CYFIP2: variants seen among roughly 807,000 people sequenced by gnomAD.
CYFIP2 encodes cytoplasmic FMR1-interacting protein 2.
CYFIP2 carries 29 observed loss-of-function variants against 158.7 expected under a neutral mutation model. The observed-to-expected ratio is 0.18, with a 90% CI of 0.14 to 0.25. The LOEUF (loss-of-function observed/expected upper bound fraction) is 0.25, where lower values mean the gene tolerates loss of function less well. Among genes scored for constraint, CYFIP2 ranks in the 10% least tolerant of loss-of-function variants. The probability of loss-of-function intolerance (pLI) is 1.00; values close to 1 mark genes in which losing one functional copy is unlikely to be tolerated. For synonymous variants in CYFIP2, 585 were observed against 617.6 expected (o/e 0.95, Z 0.78); for missense variants, 852 against 1,639.5 (o/e 0.52, Z 8.29).
At position 157,266,483 on chromosome 5, in the gene CYFIP2, T is replaced by C. The variant is rs1403669144; in HGVS notation, c.-24+288T>C. 1 of 151,928 alleles carries C rather than the reference T, an allele frequency of 6.6e-6. No individual in the cohort carries two copies. The highest frequency in any genetic ancestry group is 6.6e-5 in the Admixed American group (1 of 15,264). The allele number at this position is 151,928 out of a possible 1,614,324, so 9.4% of individuals were successfully genotyped here. ...GAGCCGCAGCAGCAGGTGCGCGGCCTGGGCCGGAGCCGCCAGCCCGGGAGG... is the reference window on the plus strand; with the variant it reads ...GAGCCGCAGCAGCAGGTGCGCGGCCCGGGCCGGAGCCGCCAGCCCGGGAGG... On this transcript the variant is annotated intron_variant, in intron 1 of 30. Transcript: ENST00000620254. The surrounding 1 kb of genome is among the most constrained non-coding windows in gnomAD (Gnocchi z 4.2).
intron 21 of CYFIP2, 141 bp from the exon 22 acceptor site, chr5:157,338,915 TA>T: frequency 1.4e-6 from 1 of 718,400 alleles, no homozygotes; most frequent in Non-Finnish European, 2.3e-6. Context: ...CCTGCTACTG[TA>T]AGGGTCCTAG....
chr5:157,383,295 G>A lies in CYFIP2; in HGVS notation c.3143G>A (p.Arg1048His), dbSNP rs1766313430. Residue 1048 changes from arginine to histidine, a missense_variant, in exon 28 of 31, where the codon CGT becomes CAT. Physicochemically the swap from Arg to His is conservative, Grantham distance 29 (BLOSUM62 0). Coordinates refer to ENST00000620254, the MANE Select transcript of CYFIP2 (RefSeq NM_001037333.3). The part of the protein sequence containing the change: ...EGERLEVRMK[R>H]LEAKYAPLHL... ...GAGCGCCTGGAGGTCCGGATGAAAC[G>A]TCTGGAAGCCAAGTATGCCCCGCTC... 2.5e-6 allele frequency: 4 copies of A among 1,613,752 alleles called. No homozygotes were observed. In the South Asian group the frequency reaches 3.3e-5, roughly 13 times the overall value.
intron 1 of CYFIP2, among the ~76,000 whole-genome samples, chr5:157,274,824 G>T (rs1756414196): frequency 6.6e-6 from 1 of 152,134 alleles, no homozygotes; most frequent in Non-Finnish European, 1.5e-5. Flanking sequence ...TAATCTTTCT[G>T]TGTGCTTATT....
intron 1 of CYFIP2, among the ~76,000 whole-genome samples, chr5:157,275,522 C>T (rs891167784): frequency 6.6e-6 from 1 of 152,100 alleles, no homozygotes; most frequent in Non-Finnish European, 1.5e-5. Flanking sequence ...ATGGTAACAC[C>T]ACACAATTTT....
intron 5 of CYFIP2, 94 bp downstream of exon 5, chr5:157,296,868 T>C: frequency 5.1e-6 from 5 of 972,282 alleles, no homozygotes; most frequent in Admixed American, 4.8e-5. Context: ...ATGTTATTTA[T>C]TCACTAAGCA....
chr5:157,319,033 G>A (rs1033062604), intron 13 of CYFIP2, among the ~76,000 whole-genome samples: 3 of 152,124 alleles, frequency 2.0e-5, no homozygotes, highest in Non-Finnish European at 4.4e-5. Flanking sequence ...TCCCTTCCTC[G>A]GGATGGGCAG....
chr5:157,320,516 G>T, intron 14 of CYFIP2, 139 bp from the exon 15 acceptor site: 1 of 1,151,876 alleles, frequency 8.7e-7, no homozygotes, highest in South Asian at 1.6e-5. Context: ...AATTGGGGCA[G>T]AAATGAGCAT....
chr5:157,311,170 G>C lies in CYFIP2; in HGVS notation c.993-494G>C. 2.2e-6 allele frequency: 1 copy of C among 444,900 alleles called. No individual in the cohort carries two copies. The highest frequency in any genetic ancestry group is 2.4e-5 in the Admixed American group (1 of 41,050). The allele number at this position is 444,900 out of a possible 1,614,324, so 27.6% of individuals were successfully genotyped here. On this transcript the variant is annotated intron_variant, in intron 10 of 30. Transcript: ENST00000620254. This position sits in a 1 kb window ranked among gnomAD's most constrained non-coding sequence, Gnocchi z 4.7. ...GCCCTGGCTTCTCCCACCACAGTGT[G>C]CTTCCATGTTGCCAGGGCACTGTTG...
intron 1 of CYFIP2, among the ~76,000 whole-genome samples, 164 bp from the exon 2 acceptor site, chr5:157,285,173 TAA>T (rs1757276752): frequency 6.6e-6 from 1 of 152,198 alleles, no homozygotes; most frequent in Non-Finnish European, 1.5e-5. Flanking sequence ...TCCTGAGATG[TAA>T]AAGATACACA....
intron 5 of CYFIP2, among the ~76,000 whole-genome samples, chr5:157,299,531 C>T (rs539684981): frequency 6.6e-6 from 1 of 152,308 alleles, no homozygotes; most frequent in African/African-American, 2.4e-5. Flanking sequence ...TCAAGCCTTC[C>T]TTCTTTATTT....
At chr5:157,342,841 C>T (rs1293385617) in intron 23 of CYFIP2, 34 of 1,591,156 alleles carry the variant, frequency 2.1e-5, no homozygotes, top group Middle Eastern at 3.4e-4. Flanking sequence ...CTACATGATG[C>T]GGGCGCTCTC....
At chr5:157,353,453 A>G (rs1763205428) in intron 23 of CYFIP2, among the ~76,000 whole-genome samples, 1 of 152,318 alleles carries the variant, frequency 6.6e-6, no homozygotes, top group Admixed American at 6.5e-5. Context: ...TCAGCCTCTG[A>G]GCTGAGAAGG....
At chr5:157,276,548 C>T (rs184750499) in intron 1 of CYFIP2, among the ~76,000 whole-genome samples, 11 of 152,234 alleles carry the variant, frequency 7.2e-5, no homozygotes, top group African/African-American at 2.4e-4. Flanking sequence ...TAACTTTTAT[C>T]GAGCACTTTC....
Position 157,393,022 on chromosome 5 carries a change from T to C in CYFIP2, c.*22T>C, listed in dbSNP as rs1767460644. 1 of 1,610,432 alleles carries C rather than the reference T, an allele frequency of 6.2e-7. No individual in the cohort carries two copies. The highest frequency in any genetic ancestry group is 1.3e-5 in the African/African-American group (1 of 74,826). ...CTAAGCAGAAGATCCTGCAGACCCTTATCTGGAGGAGGAAGAGAAGCAGGA... is the reference window on the plus strand; with the variant it reads ...CTAAGCAGAAGATCCTGCAGACCCTCATCTGGAGGAGGAAGAGAAGCAGGA... On this transcript the variant is annotated 3_prime_UTR_variant, in exon 31 of 31. Coordinates refer to ENST00000620254, the MANE Select transcript of CYFIP2 (RefSeq NM_001037333.3).
chr5:157,358,786 T>C (rs1763593933), intron 23 of CYFIP2, among the ~76,000 whole-genome samples: 1 of 152,234 alleles, frequency 6.6e-6, no homozygotes, highest in South Asian at 2.1e-4. Flanking sequence ...CCTCTTCTGC[T>C]AGGGAGTGGC....
intron 30 of CYFIP2, among the ~76,000 whole-genome samples, chr5:157,391,486 T>C (rs1767282806): frequency 6.6e-6 from 1 of 152,130 alleles, no homozygotes; most frequent in South Asian, 2.1e-4. Flanking sequence ...TCATTCTACT[T>C]TCTCTATGCA....
chr5:157,287,129 T>A, intron 3 of CYFIP2, 21 bp downstream of exon 3: 1 of 1,603,294 alleles, frequency 6.2e-7, no homozygotes, highest in Non-Finnish European at 8.5e-7. Flanking sequence ...GTGACCCACG[T>A]GTGCAGACAT....
chr5:157,269,092 C>T (rs1755860466), intron 1 of CYFIP2, among the ~76,000 whole-genome samples: 1 of 151,990 alleles, frequency 6.6e-6, no homozygotes, highest in Non-Finnish European at 1.5e-5. Context: ...ATTACCAGCC[C>T]CTCTCCCTCC....
At chr5:157,354,178 C>G (rs905738505) in intron 23 of CYFIP2, among the ~76,000 whole-genome samples, 3 of 152,066 alleles carry the variant, frequency 2.0e-5, no homozygotes, top group African/African-American at 7.3e-5. Flanking sequence ...TAACATGGCT[C>G]TAATTCCTGA....
Sources: allele counts gnomAD v4.1 joint callset (sites outside exome capture counted in the v4.1 genomes callset), GRCh38; gene constraint gnomAD v4.1.1; non-coding constraint Gnocchi (gnomAD v3.1); transcripts MANE v1.5; gene names NCBI Gene and HGNC (gene_info 2026-07-23, HGNC 2026-07-21).